Variants in DOT1L observed in about 807,000 individuals in gnomAD.
DOT1L encodes the protein histone-lysine N-methyltransferase, H3 lysine-79 specific.
In DOT1L, 33 loss-of-function variants were observed where a neutral mutation model predicts 153.3. That is an observed-to-expected ratio of 0.22 (90% confidence interval 0.16 to 0.29). The LOEUF is 0.29. DOT1L is among the 10% of genes least tolerant of loss of function. The pLI is 1.00. For missense variants in DOT1L, 1,847 were observed against 2,119.9 expected (o/e 0.87, Z 2.53); for synonymous variants, 1,135 against 965.1 (o/e 1.18, Z -3.26).
chr19:2,220,054 C>A lies in DOT1L; in HGVS notation c.2692-54C>A. Reference sequence around the variant, plus strand: ...AACACTCACTGTTTCCAGCTGGGTTCTGGGTCTCCTGGGGCACCTGCTGCC... The same window carrying A: ...AACACTCACTGTTTCCAGCTGGGTTATGGGTCTCCTGGGGCACCTGCTGCC... On this transcript the variant is annotated intron_variant, in intron 22 of 27. Coordinates refer to ENST00000398665, the MANE Select transcript of DOT1L (RefSeq NM_032482.3). This position sits in a 1 kb window ranked among gnomAD's most constrained non-coding sequence, Gnocchi z 4.5. The A allele has an allele frequency of 1.3e-6, 2 of 1,519,442 alleles. No homozygotes were observed. Among genetic ancestry groups the A allele is most frequent in the East Asian group, 2.3e-5 (1 of 44,082 alleles). The allele number at this position is 1,519,442 out of a possible 1,614,324, so 94.1% of individuals were successfully genotyped here.
chr19:2,232,339 AC>A lies in DOT1L; in HGVS notation c.*2553del. ...CTGTTCAGTGGTCAGCAGGCCCCCC[AC>A]CCCCCGCCGACTGCCCTCGCCATCG... On this transcript the variant is annotated 3_prime_UTR_variant, in exon 28 of 28. Transcript: ENST00000398665. The A allele has an allele frequency of 1.3e-5, 1 of 77,714 alleles. No homozygotes were observed. 4.8% of individuals were successfully genotyped at this position (77,714 alleles called of 1,614,324 possible). A position where few individuals can be genotyped will look rare whatever the true frequency, so the allele number is the denominator to read the frequency against.
At chr19:2,200,807 T>C in intron 8 of DOT1L, among the ~76,000 whole-genome samples, 1 of 147,496 alleles carries the variant, frequency 6.8e-6, no homozygotes, top group East Asian at 2.0e-4. Flanking sequence ...GCATTCCTCG[T>C]CCTCCCCACG....
chr19:2,214,149 G>T, intron 18 of DOT1L, 163 bp downstream of exon 18: 1 of 1,253,012 alleles, frequency 8.0e-7, no homozygotes, highest in Non-Finnish European at 1.1e-6. Context: ...GCGCGTCACA[G>T]CAGGCAGGCC....
chr19:2,227,206 C>T lies in DOT1L; in HGVS notation c.4606+79C>T, dbSNP rs755396053. 11 of 1,539,654 alleles carry T rather than the reference C, an allele frequency of 7.1e-6. No homozygotes were observed. In the Admixed American group the frequency reaches 1.2e-4, roughly 16 times the overall value. On this transcript the variant is annotated intron_variant, in intron 27 of 27. Coordinates refer to ENST00000398665, the MANE Select transcript of DOT1L (RefSeq NM_032482.3). ...CTTCCTTTGCAGGTTCCCTTCCGCA[C>T]TCTCTTGCAGCAGGAGCTGAGCTGC...
At chr19:2,187,236 G>A (rs989791710) in intron 3 of DOT1L, among the ~76,000 whole-genome samples, 2 of 152,264 alleles carry the variant, frequency 1.3e-5, no homozygotes, top group African/African-American at 4.8e-5. Context: ...ATGAGTGGGT[G>A]TTGTCGGGCT....
chr19:2,201,426 G>A (rs2023277633), intron 8 of DOT1L, among the ~76,000 whole-genome samples: 1 of 152,196 alleles, frequency 6.6e-6, no homozygotes, highest in African/African-American at 2.4e-5. Context: ...CGCTCCTGCT[G>A]TCTTCCCTGT....
chr19:2,227,607 C>A, intron 27 of DOT1L: 1 of 1,061,762 alleles, frequency 9.4e-7, no homozygotes, highest in Non-Finnish European at 1.2e-6. Context: ...CGAGCCGCTG[C>A]TTGTGCTTGG....
rs1156646245 is a variant in DOT1L at position 2,190,724 on chromosome 19, T to G, written c.265-288T>G. Among the ~76,000 whole-genome samples, 1 of 151,620 alleles carries G rather than the reference T, an allele frequency of 6.6e-6. No homozygotes were observed. Among genetic ancestry groups the G allele is most frequent in the Non-Finnish European group, 1.5e-5 (1 of 67,824 alleles). ...AGGAGGGGTGGTGGTCTTGGTGGCC[T>G]GTGTGGTTTTGGTGGTCTTGCCAGT... On this transcript the variant is annotated intron_variant, in intron 4 of 27. Coordinates refer to ENST00000398665, the MANE Select transcript of DOT1L (RefSeq NM_032482.3). This position sits in a 1 kb window ranked among gnomAD's most constrained non-coding sequence, Gnocchi z 4.8.
At chr19:2,168,895 T>C (rs375799248) in intron 1 of DOT1L, among the ~76,000 whole-genome samples, 7 of 152,206 alleles carry the variant, frequency 4.6e-5, no homozygotes, top group South Asian at 2.1e-4. Flanking sequence ...ATTACAGGCA[T>C]GAGCCACCGT....
intron 27 of DOT1L, chr19:2,227,505 C>T (rs769453180): frequency 7.7e-6 from 4 of 517,286 alleles, no homozygotes; most frequent in Middle Eastern, 6.6e-4. Context: ...CCAGACAGGG[C>T]GGAGAGGAGC....
chr19:2,229,356 C>T (rs1033640766), intron 27 of DOT1L: 27 of 985,350 alleles, frequency 2.7e-5, no homozygotes, highest in Non-Finnish European at 3.3e-5. Flanking sequence ...CACAGGCCTT[C>T]CTGGGCGAGT....
chr19:2,168,596 CT>C (rs1009121733), intron 1 of DOT1L, among the ~76,000 whole-genome samples: 1 of 152,120 alleles, frequency 6.6e-6, no homozygotes, highest in African/African-American at 2.4e-5. Flanking sequence ...TGGATAACCG[CT>C]TTTCTCAAGC....
At chr19:2,185,825 T>G in intron 2 of DOT1L, 30 bp from the exon 3 acceptor site, 1 of 1,611,612 alleles carries the variant, frequency 6.2e-7, no homozygotes, top group Non-Finnish European at 8.5e-7. Context: ...AACCAAACCC[T>G]TCCTGATCGT....
At chr19:2,211,687 T>C (rs1204669193) in intron 15 of DOT1L, 64 bp from the exon 16 acceptor site, 3 of 1,417,786 alleles carry the variant, frequency 2.1e-6, no homozygotes, top group African/African-American at 1.4e-5. Context: ...CAAGGGCTGC[T>C]CCCACCTCTT....
In DOT1L at chr19:2,222,072, C is replaced by T. The variant is rs1368162891; in HGVS notation, c.2903C>T (p.Ser968Phe). 14 of 1,613,326 alleles carry T rather than the reference C, an allele frequency of 8.7e-6. No individual in the cohort carries two copies. Among genetic ancestry groups the T allele is most frequent in the Non-Finnish European group, 1.2e-5 (14 of 1,179,912 alleles). ...PGAEPATLDE[S>F]SSSGSLFATV... ...GCCGAGCCGGCCACCTTGGATGAGT[C>T]CTCCAGCTCTGGGAGCCTTTTTGCC... Residue 968 changes from serine (S) to phenylalanine (F), a missense_variant, in exon 24 of 28, where the codon TCC becomes TTC. Ser to Phe is a radical substitution (Grantham distance 155). Transcript: ENST00000398665. The surrounding 1 kb of genome is among the most constrained non-coding windows in gnomAD (Gnocchi z 6.5).
At chr19:2,176,507 GC>G (rs2021943878) in intron 1 of DOT1L, among the ~76,000 whole-genome samples, 1 of 152,238 alleles carries the variant, frequency 6.6e-6, no homozygotes, top group South Asian at 2.1e-4. Context: ...GCCAAGGAGA[GC>G]AGGCAAGGGC....
At chr19:2,196,073 G>A (rs987733459) in intron 7 of DOT1L, among the ~76,000 whole-genome samples, 4 of 152,252 alleles carry the variant, frequency 2.6e-5, no homozygotes, top group African/African-American at 9.6e-5. Flanking sequence ...TCGGATCGCC[G>A]TGAGGCCTCG....
At chr19:2,174,603 A>G (rs1255081675) in intron 1 of DOT1L, among the ~76,000 whole-genome samples, 2 of 152,106 alleles carry the variant, frequency 1.3e-5, no homozygotes, top group Non-Finnish European at 2.9e-5. Context: ...GGAGAATCGC[A>G]AAAGCTAAGA....
intron 1 of DOT1L, among the ~76,000 whole-genome samples, chr19:2,166,242 A>T (rs946829570): frequency 2.0e-5 from 3 of 149,610 alleles, no homozygotes; most frequent in Non-Finnish European, 4.4e-5. Context: ...GATTACAGGC[A>T]TGCGCCACCA....
Sources: allele counts gnomAD v4.1 joint callset (sites outside exome capture counted in the v4.1 genomes callset), GRCh38; gene constraint gnomAD v4.1.1; non-coding constraint Gnocchi (gnomAD v3.1); transcripts MANE v1.5; gene names NCBI Gene and HGNC (gene_info 2026-07-23, HGNC 2026-07-21).